Variants in TERB1 observed in about 807,000 individuals in gnomAD.
TERB1 encodes the protein telomere repeat binding bouquet formation protein 1.
A neutral mutation model predicts 92.3 loss-of-function variants in TERB1; 63 were observed. That is an observed-to-expected ratio of 0.68 (90% CI 0.56 to 0.84). The LOEUF is 0.84. Ranked by LOEUF, TERB1 falls within the 40% of genes least tolerant of loss-of-function variation. The pLI is 0.00. For synonymous variants in TERB1, 252 were observed against 283.9 expected, an observed-to-expected ratio of 0.89 and a Z score of 1.13; for missense variants, 709 against 843.7, an observed-to-expected ratio of 0.84 and a Z score of 1.98.
Position 66,777,306 on chromosome 16 carries a change from G to C in TERB1, c.882C>G (p.Tyr294Ter). The change falls in exon 11 of 19, where the codon TAC (tyrosine) becomes TAG (stop). Residue 294 changes from tyrosine to a stop codon, truncating the protein, a stop_gained. Coordinates refer to ENST00000433154, the MANE Select transcript of TERB1 (RefSeq NM_001136505.2). LOFTEE classifies it high-confidence loss of function. The part of the protein sequence containing the change: ...NPTFGIVLSK[Y>*]HIVSKLLALL... ...ATGCCAGAAGTTTAGAAACAATGTGGTACTTGGAGAGTACTATCCCAAAAG... is the reference window on the plus strand; with the variant it reads ...ATGCCAGAAGTTTAGAAACAATGTGCTACTTGGAGAGTACTATCCCAAAAG... 6.5e-7 allele frequency: 1 copy of C among 1,547,770 alleles called. No individual in the cohort carries two copies. The highest frequency in any genetic ancestry group is 8.7e-7 in the Non-Finnish European group (1 of 1,143,902).
At chr16:66,793,500 G>A (rs2018872545) in intron 3 of TERB1, among the ~76,000 whole-genome samples, 1 of 151,598 alleles carries the variant, frequency 6.6e-6, no homozygotes, top group Non-Finnish European at 1.5e-5. Flanking sequence ...TTACAAGCAT[G>A]AGCCACTGCA....
At chr16:66,785,756 A>C in intron 9 of TERB1, 30 bp downstream of exon 9, 1 of 1,498,896 alleles carries the variant, frequency 6.7e-7, no homozygotes, top group Non-Finnish European at 8.9e-7. Context: ...TGTTTCTTCA[A>C]CTATGACCTA....
chr16:66,768,388 G>T (rs1281621207), intron 14 of TERB1, among the ~76,000 whole-genome samples: 1 of 152,152 alleles, frequency 6.6e-6, no homozygotes, highest in Non-Finnish European at 1.5e-5. Flanking sequence ...GAGGGCAATA[G>T]TATTGATGCC....
rs898904390 is a variant in TERB1, at chr16:66,754,696, TTC to T, written c.*278_*279del. The T allele has an allele frequency of 4.0e-5, 14 of 349,286 alleles. No individual in the cohort carries two copies. The highest frequency in any genetic ancestry group is 7.2e-5 in the Non-Finnish European group (14 of 195,138). The allele number at this position is 349,286 out of a possible 1,614,324, so 21.6% of individuals were successfully genotyped here. A position where few individuals can be genotyped will look rare whatever the true frequency, so the allele number is the denominator to read the frequency against. On this transcript the variant is annotated 3_prime_UTR_variant, in exon 19 of 19. Coordinates refer to ENST00000433154, the MANE Select transcript of TERB1 (RefSeq NM_001136505.2). ...AAATAACATTTAAAGGCTAATTCTT[TTC>T]TCTGTGTCCTTTAAGCTTAAGGAAA... is the stretch of plus-strand genomic sequence containing the variant.
At chr16:66,768,727 G>A (rs1282620861) in intron 14 of TERB1, among the ~76,000 whole-genome samples, 6 of 152,166 alleles carry the variant, frequency 3.9e-5, no homozygotes, top group East Asian at 3.8e-4. Context: ...GTCCATGTAC[G>A]TATATTTGTA....
chr16:66,795,949 T>C (rs1260604775), intron 3 of TERB1, among the ~76,000 whole-genome samples: 3 of 152,212 alleles, frequency 2.0e-5, no homozygotes, highest in East Asian at 3.9e-4. Flanking sequence ...GAGGTCTCAA[T>C]GTGTTGCCCA....
intron 10 of TERB1, among the ~76,000 whole-genome samples, chr16:66,778,643 C>T (rs1482508742): frequency 6.6e-6 from 1 of 152,134 alleles, no homozygotes; most frequent in Non-Finnish European, 1.5e-5. Context: ...GTCTTGAACT[C>T]CTGACCTCAG....
chr16:66,767,233 G>A (rs2018361987), intron 16 of TERB1, among the ~76,000 whole-genome samples, 182 bp downstream of exon 16: 1 of 151,946 alleles, frequency 6.6e-6, no homozygotes, highest in East Asian at 1.9e-4. Flanking sequence ...CAGCTACTTG[G>A]GAGGCTGAGG....
At chr16:66,795,059 A>G (rs2018907230) in intron 3 of TERB1, among the ~76,000 whole-genome samples, 1 of 152,236 alleles carries the variant, frequency 6.6e-6, no homozygotes, top group Non-Finnish European at 1.5e-5. Context: ...TCTGCAAATC[A>G]GTTATCCAAA....
rs1567462274 is a variant in TERB1, at chr16:66,755,009, C to T, written c.2151G>A (p.Lys717=). ...KAVDLAHKYH[K]LTKHPTCAAS is the part of the protein sequence containing the mutation. ...CTGCACACGTGGGGTGTTTGGTCAGCTTGTGGTATTTGTGAGCAAGGTCCA... is the reference window on the plus strand; with the variant it reads ...CTGCACACGTGGGGTGTTTGGTCAGTTTGTGGTATTTGTGAGCAAGGTCCA... Residue 717 remains lysine (K), a synonymous_variant, in exon 19 of 19, where the codon AAG becomes AAA. Transcript: ENST00000433154. 6.4e-7 allele frequency: 1 copy of T among 1,551,412 alleles called. No individual in the cohort carries two copies. Among genetic ancestry groups the T allele is most frequent in the Non-Finnish European group, 8.7e-7 (1 of 1,146,914 alleles).
At chr16:66,793,594 C>T (rs2018874615) in intron 3 of TERB1, among the ~76,000 whole-genome samples, 1 of 152,150 alleles carries the variant, frequency 6.6e-6, no homozygotes, top group Non-Finnish European at 1.5e-5. Flanking sequence ...TCACTGCAAC[C>T]TCTGCCTCCC....
chr16:66,801,488 G>GGCAGGACAACAACGCGCGGGAGC lies in TERB1; in HGVS notation c.-153_-131dup, dbSNP rs1959299694. 6.6e-6 allele frequency: 1 copy of GGCAGGACAACAACGCGCGGGAGC among 152,338 alleles called. No individual in the cohort carries two copies. Among genetic ancestry groups the GGCAGGACAACAACGCGCGGGAGC allele is most frequent in the Non-Finnish European group, 1.5e-5 (1 of 68,146 alleles). The allele number at this position is 152,338 out of a possible 1,614,324, so 9.4% of individuals were successfully genotyped here. ...CATACAGAGTTTCCAAGCGCGGTAA[G>GGCAGGACAACAACGCGCGGGAGC]GCAGGACAACAACGCGCGGGAGCGG... On this transcript the variant is annotated 5_prime_UTR_variant, in exon 1 of 19. An upstream open reading frame in the 5' UTR loses its in-frame stop. Coordinates refer to ENST00000433154, the MANE Select transcript of TERB1 (RefSeq NM_001136505.2).
intron 16 of TERB1, among the ~76,000 whole-genome samples, chr16:66,764,384 T>C (rs1660935296): frequency 6.6e-6 from 1 of 152,200 alleles, no homozygotes; most frequent in Admixed American, 6.5e-5. Flanking sequence ...GAAATAACCA[T>C]AGCACATTTC....
At chr16:66,801,768 C>T (rs1959327127), upstream of TERB1, 1 of 152,252 alleles carries the variant, frequency 6.6e-6, no homozygotes, top group South Asian at 2.1e-4. Context: ...AGAGAAATCT[C>T]ACCGCCCCCG....
intron 3 of TERB1, among the ~76,000 whole-genome samples, chr16:66,793,996 T>C (rs1255471922): frequency 1.3e-5 from 2 of 152,228 alleles, no homozygotes; most frequent in African/African-American, 4.8e-5. Context: ...TGACTATGGA[T>C]ACCAATAAGC....
At chr16:66,798,463 T>C (rs2145271117) in intron 2 of TERB1, among the ~76,000 whole-genome samples, 1 of 152,354 alleles carries the variant, frequency 6.6e-6, no homozygotes, top group South Asian at 2.1e-4. Flanking sequence ...ATTAGAGGCA[T>C]GAGTCACCAT....
At chr16:66,795,486 T>C (rs1056237770) in intron 3 of TERB1, among the ~76,000 whole-genome samples, 1 of 152,176 alleles carries the variant, frequency 6.6e-6, no homozygotes, top group Non-Finnish European at 1.5e-5. Context: ...TGGGATCACT[T>C]TCTGAAAAAA....
At chr16:66,755,804 C>T (rs1028635403) in intron 18 of TERB1, among the ~76,000 whole-genome samples, 2 of 152,066 alleles carry the variant, frequency 1.3e-5, no homozygotes, top group Admixed American at 6.6e-5. Flanking sequence ...AAATAAAAAA[C>T]AGCTTACGTA....
intron 18 of TERB1, among the ~76,000 whole-genome samples, chr16:66,757,197 C>G (rs1391768608): frequency 2.0e-5 from 3 of 152,106 alleles, no homozygotes; most frequent in African/African-American, 7.2e-5. Flanking sequence ...AAAAAGTAGG[C>G]CAGATTATTT....
Sources: gnomAD v4.1 joint callset for allele counts (sites outside exome capture counted in the v4.1 genomes callset) on GRCh38, gnomAD v4.1.1 for gene constraint, MANE v1.5 for transcripts, NCBI Gene and HGNC (gene_info 2026-07-23, HGNC 2026-07-21) for gene names.